Variants in RIMS2 observed in about 807,000 individuals in gnomAD.
RIMS2 encodes the protein regulating synaptic membrane exocytosis protein 2.
Under a neutral mutation model 174.4 loss-of-function variants are expected in RIMS2, and 59 were observed. The observed-to-expected ratio is 0.34, with a 90% confidence interval of 0.27 to 0.42. The LOEUF (loss-of-function observed/expected upper bound fraction) is 0.42, where lower values mean the gene tolerates loss of function less well. Among genes scored for constraint, RIMS2 ranks in the 10% least tolerant of loss-of-function variants. The pLI, the probability that RIMS2 is intolerant of heterozygous loss-of-function variation, is 1.00. For missense variants in RIMS2, 1,620 were observed against 1,666.3 expected (o/e 0.97, Z 0.48); for synonymous variants, 606 against 572.5 (o/e 1.06, Z -0.84).
chr8:103,894,359 T>A (rs527636061), intron 4 of RIMS2, among the ~76,000 whole-genome samples: 1 of 151,720 alleles, frequency 6.6e-6, no homozygotes, highest in South Asian at 2.1e-4. Flanking sequence ...CAGACTTCAA[T>A]GTGAATACAA....
At chr8:104,199,989 A>G (rs78400610) in intron 19 of RIMS2, among the ~76,000 whole-genome samples, 1 of 152,314 alleles carries the variant, frequency 6.6e-6, no homozygotes, top group Non-Finnish European at 1.5e-5. Flanking sequence ...TGGCAGTATT[A>G]TGAGTCAGAC....
chr8:104,110,712 T>C (rs2131704917), intron 19 of RIMS2, among the ~76,000 whole-genome samples: 1 of 152,286 alleles, frequency 6.6e-6, no homozygotes, highest in South Asian at 2.1e-4. Context: ...TCAAGTGTAT[T>C]TTCAGAAAGT....
chr8:103,550,745 A>G (rs946129737), intron 1 of RIMS2, among the ~76,000 whole-genome samples: 3 of 152,240 alleles, frequency 2.0e-5, no homozygotes, highest in African/African-American at 4.8e-5. Flanking sequence ...GAAGTATCAA[A>G]TAGATACAAT....
intron 1 of RIMS2, among the ~76,000 whole-genome samples, chr8:103,648,595 G>C (rs1244495689): frequency 6.6e-6 from 1 of 152,050 alleles, no homozygotes; most frequent in Non-Finnish European, 1.5e-5. Context: ...TTGTCTCTAA[G>C]AACTTGCTTT....
intron 3 of RIMS2, among the ~76,000 whole-genome samples, chr8:103,836,508 C>A (rs868728843): frequency 2.6e-5 from 4 of 152,208 alleles, no homozygotes; most frequent in Middle Eastern, 3.4e-3. Flanking sequence ...CTGCAGTGAG[C>A]CATGACATGT....
chr8:103,807,097 A>G (rs186707531), intron 3 of RIMS2, among the ~76,000 whole-genome samples: 6 of 152,160 alleles, frequency 3.9e-5, no homozygotes, highest in African/African-American at 1.4e-4. Context: ...AGTCACCGGG[A>G]AGGGGGAGCT....
intron 3 of RIMS2, among the ~76,000 whole-genome samples, chr8:103,882,247 A>T (rs2099170813): frequency 6.6e-6 from 1 of 151,562 alleles, no homozygotes; most frequent in Non-Finnish European, 1.5e-5. Context: ...CAGTAGAAAC[A>T]CATTACTTGA....
At chr8:103,561,207 A>G (rs1383955212) in intron 1 of RIMS2, among the ~76,000 whole-genome samples, 1 of 151,734 alleles carries the variant, frequency 6.6e-6, no homozygotes, top group Non-Finnish European at 1.5e-5. Flanking sequence ...TTTAAGAATA[A>G]CAACTTAGTA....
At chr8:103,884,289 T>C (rs548173866) in intron 3 of RIMS2, among the ~76,000 whole-genome samples, 1 of 152,034 alleles carries the variant, frequency 6.6e-6, no homozygotes, top group East Asian at 1.9e-4. Flanking sequence ...TAACTTCAGC[T>C]GACTTCACTC....
At chr8:104,004,889 T>G (rs1398238701) in intron 17 of RIMS2, among the ~76,000 whole-genome samples, 1 of 152,202 alleles carries the variant, frequency 6.6e-6, no homozygotes, top group South Asian at 2.1e-4. Context: ...ATTAAGTTTG[T>G]TATTAAACCA....
At chr8:104,242,832 A>C (rs1337197350) in intron 19 of RIMS2, among the ~76,000 whole-genome samples, 8 of 152,212 alleles carry the variant, frequency 5.3e-5, no homozygotes, top group Admixed American at 5.2e-4. Context: ...AGTGCTACTA[A>C]GTTTCATCAC....
chr8:103,750,261 A>G (rs1351342932), intron 2 of RIMS2, among the ~76,000 whole-genome samples: 1 of 152,136 alleles, frequency 6.6e-6, no homozygotes, highest in Non-Finnish European at 1.5e-5. Context: ...ATAATTCCCC[A>G]TTACAAAATG....
chr8:104,230,875 G>A (rs529261659), intron 19 of RIMS2, among the ~76,000 whole-genome samples: 5 of 149,396 alleles, frequency 3.3e-5, no homozygotes, highest in Non-Finnish European at 5.9e-5. Flanking sequence ...CCCAAGGTTG[G>A]AAAATTTACT....
intron 15 of RIMS2, among the ~76,000 whole-genome samples, chr8:103,966,421 T>G (rs1404104278): frequency 1.3e-5 from 2 of 152,158 alleles, no homozygotes; most frequent in African/African-American, 4.8e-5. Context: ...AGAGTTTTCA[T>G]AATAGTCCTT....
intron 12 of RIMS2, 54 bp from the exon 15 acceptor site, chr8:103,936,497 A>T: frequency 8.2e-7 from 1 of 1,215,866 alleles, no homozygotes; most frequent in South Asian, 1.8e-5. Flanking sequence ...AAAAAATTTT[A>T]GGACAAAACT....
chr8:104,138,172 A>G (rs527304577), intron 19 of RIMS2, among the ~76,000 whole-genome samples: 5 of 152,104 alleles, frequency 3.3e-5, no homozygotes, highest in Admixed American at 3.3e-4. Flanking sequence ...TATGTACCAC[A>G]TTTTCTTTAT....
intron 7 of RIMS2, 40 bp downstream of exon 10, chr8:103,915,634 A>C (rs2076505925): frequency 9.7e-7 from 1 of 1,034,806 alleles, no homozygotes; most frequent in Non-Finnish European, 1.5e-6. Flanking sequence ...TAAACCATTC[A>C]ACTTTAGTAG....
intron 16 of RIMS2, among the ~76,000 whole-genome samples, chr8:103,977,733 T>C (rs1311361343): frequency 2.0e-5 from 3 of 152,356 alleles, no homozygotes; most frequent in South Asian, 2.1e-4. Flanking sequence ...CAGTTATAAA[T>C]TGGAGTTTCC....
At chr8:104,155,753 G>A (rs1469252473) in intron 19 of RIMS2, among the ~76,000 whole-genome samples, 3 of 152,220 alleles carry the variant, frequency 2.0e-5, no homozygotes, top group Non-Finnish European at 2.9e-5. Context: ...TGAGAAAATA[G>A]GAAAGTGGCT....
Sources: gnomAD v4.1 joint callset for allele counts (sites outside exome capture counted in the v4.1 genomes callset) on GRCh38, gnomAD v4.1.1 for gene constraint, MANE v1.5 for transcripts, NCBI Gene and HGNC (gene_info 2026-07-23, HGNC 2026-07-21) for gene names.